The following ZMIZ1 variants were observed in gnomAD, a reference collection of about 807,000 sequenced individuals.
The protein encoded by ZMIZ1 is zinc finger MIZ domain-containing protein 1.
Under a neutral mutation model 113.9 loss-of-function variants are expected in ZMIZ1, and 17 were observed. That is an observed-to-expected ratio of 0.15 (90% confidence interval 0.10 to 0.22). The LOEUF is 0.22. ZMIZ1 is among the 10% of genes least tolerant of loss of function. The pLI is 1.00. For missense variants in ZMIZ1, 1,059 were observed against 1,477.8 expected (o/e 0.72, Z 4.65); for synonymous variants, 607 against 603.1 (o/e 1.01, Z -0.09).
intron 1 of ZMIZ1, among the ~76,000 whole-genome samples, chr10:79,099,030 T>C (rs532632284): frequency 2.2e-4 from 33 of 152,030 alleles, no homozygotes; most frequent in African/African-American, 7.2e-4. Flanking sequence ...ATTCCAGAAG[T>C]GAGTCAGAAT....
chr10:79,288,684 G>A (rs2132019727), intron 8 of ZMIZ1, among the ~76,000 whole-genome samples: 1 of 152,288 alleles, frequency 6.6e-6, no homozygotes, highest in East Asian at 1.9e-4. Context: ...GGTGGGAGAG[G>A]CAGCTTCATC....
chr10:79,095,893 G>A (rs11002811), intron 1 of ZMIZ1, among the ~76,000 whole-genome samples: 20,531 of 152,254 alleles, frequency 0.13, 1,564 homozygotes, highest in East Asian at 0.26. Flanking sequence ...AAGGCACCTT[G>A]TGTGTACTAC....
intron 7 of ZMIZ1, among the ~76,000 whole-genome samples, chr10:79,246,087 G>A (rs961351916): frequency 6.6e-6 from 1 of 152,250 alleles, no homozygotes; most frequent in African/African-American, 2.4e-5. Flanking sequence ...AGCCTGCTGC[G>A]GGGAAGGAGT....
At chr10:79,300,986 T>C (rs78939689) in intron 17 of ZMIZ1, 44 bp downstream of exon 17, 123,859 of 1,598,144 alleles carry the variant, frequency 0.078, 5,441 homozygotes, top group Middle Eastern at 0.1. Context: ...AGGCAGGCCC[T>C]GTTTCACGGC....
chr10:79,130,089 C>T (rs986639508), intron 2 of ZMIZ1, among the ~76,000 whole-genome samples: 11 of 152,208 alleles, frequency 7.2e-5, no homozygotes, highest in African/African-American at 2.7e-4. Context: ...CCCCCACATC[C>T]AACAGTTGAT....
intron 7 of ZMIZ1, among the ~76,000 whole-genome samples, chr10:79,273,033 G>A (rs1852047226): frequency 6.6e-6 from 1 of 152,248 alleles, no homozygotes. Flanking sequence ...CCTGTACCCA[G>A]CTCAGCACCT....
intron 4 of ZMIZ1, among the ~76,000 whole-genome samples, chr10:79,191,842 TC>T (rs1363468580): frequency 6.6e-6 from 1 of 152,218 alleles, no homozygotes; most frequent in East Asian, 1.9e-4. Flanking sequence ...TGTAGTAGCC[TC>T]TGTTTCTTCA....
At chr10:79,160,863 C>T (rs1846087030) in intron 3 of ZMIZ1, among the ~76,000 whole-genome samples, 1 of 152,256 alleles carries the variant, frequency 6.6e-6, no homozygotes, top group East Asian at 1.9e-4. Context: ...GTCAGGTTTC[C>T]TGGTTTTTAG....
intron 12 of ZMIZ1, chr10:79,295,787 A>G (rs1407910409): frequency 6.6e-6 from 1 of 152,312 alleles, no homozygotes; most frequent in Admixed American, 6.5e-5. Context: ...AGAAGAAACC[A>G]CTGACTCACA....
chr10:79,265,034 G>T (rs1361906029), intron 7 of ZMIZ1, among the ~76,000 whole-genome samples: 2 of 152,202 alleles, frequency 1.3e-5, no homozygotes, highest in Non-Finnish European at 2.9e-5. Flanking sequence ...GGCCAAACCG[G>T]TTTGGGAAAC....
At chr10:79,297,358 C>T (rs1392232662) in intron 13 of ZMIZ1, among the ~76,000 whole-genome samples, 1 of 152,144 alleles carries the variant, frequency 6.6e-6, no homozygotes, top group Non-Finnish European at 1.5e-5. Flanking sequence ...ACAGGTTTAC[C>T]GTTTTTGCTC....
intron 2 of ZMIZ1, among the ~76,000 whole-genome samples, chr10:79,127,345 G>C (rs1844562740): frequency 6.6e-6 from 1 of 152,194 alleles, no homozygotes; most frequent in Non-Finnish European, 1.5e-5. Flanking sequence ...CAGAGCGCCA[G>C]CCATGGGCTC....
chr10:79,298,601 T>C (rs751872559), intron 15 of ZMIZ1, 21 bp downstream of exon 15: 187 of 1,579,202 alleles, frequency 1.2e-4, no homozygotes, highest in Non-Finnish European at 1.6e-4. Context: ...TCCCTCCCTC[T>C]CTTGGCAGCT....
intron 2 of ZMIZ1, among the ~76,000 whole-genome samples, chr10:79,137,844 A>G (rs1373308917): frequency 6.6e-6 from 1 of 150,848 alleles, no homozygotes; most frequent in African/African-American, 2.4e-5. Context: ...GGGTGCTCCT[A>G]GGGTGGGCGC....
chr10:79,218,505 C>CA (rs781166504), intron 7 of ZMIZ1, among the ~76,000 whole-genome samples: 2 of 150,246 alleles, frequency 1.3e-5, no homozygotes. Flanking sequence ...GAAACAACAA[C>CA]AAAAAAACCT....
chr10:79,265,069 G>A (rs544902709), intron 7 of ZMIZ1, among the ~76,000 whole-genome samples: 9 of 152,328 alleles, frequency 5.9e-5, no homozygotes, highest in Non-Finnish European at 1.0e-4. Context: ...TAGCCCTGAC[G>A]GCTCTGAGGT....
At chr10:79,114,506 C>CGTGCGT (rs1554852496) in intron 1 of ZMIZ1, among the ~76,000 whole-genome samples, 21 of 93,248 alleles carry the variant, frequency 2.3e-4, no homozygotes, top group African/African-American at 9.3e-4. Context: ...TGTGTGTGTG[C>CGTGCGT]GTGTGTGTGT....
chr10:79,078,832 G>A (rs1842566324), intron 1 of ZMIZ1, among the ~76,000 whole-genome samples: 1 of 150,494 alleles, frequency 6.6e-6, no homozygotes, highest in Admixed American at 6.6e-5. Flanking sequence ...TTACAAGCAT[G>A]AGCACCATGC....
chr10:79,314,371 C>T lies in ZMIZ1; in HGVS notation c.*1622C>T, dbSNP rs948946535. The T allele has an allele frequency of 2.5e-6, 1 of 395,808 alleles. No homozygotes were observed. The highest frequency in any genetic ancestry group is 1.8e-5 in the South Asian group (1 of 54,380). 24.5% of individuals were successfully genotyped at this position (395,808 alleles called of 1,614,324 possible). On this transcript the variant is annotated 3_prime_UTR_variant, in exon 25 of 25. Coordinates refer to ENST00000334512, the MANE Select transcript of ZMIZ1 (RefSeq NM_020338.4). ...TCCGCTGTGGGTGGTCCCCAGCTCTCCTCTGTGGGTTTTACCGGAAAGGTG... is the reference window on the plus strand; with the variant it reads ...TCCGCTGTGGGTGGTCCCCAGCTCTTCTCTGTGGGTTTTACCGGAAAGGTG...
Sources: gnomAD v4.1 joint callset for allele counts (sites outside exome capture counted in the v4.1 genomes callset) on GRCh38, gnomAD v4.1.1 for gene constraint, MANE v1.5 for transcripts, NCBI Gene and HGNC (gene_info 2026-07-23, HGNC 2026-07-21) for gene names.